The following TNNI3K variants were observed in gnomAD, a reference collection of about 807,000 sequenced individuals.
TNNI3K encodes the protein TNNI3 interacting kinase.
Under a neutral mutation model 114.5 loss-of-function variants are expected in TNNI3K, and 140 were observed. That is an observed-to-expected ratio of 1.22 (90% CI 1.07 to 1.41). The LOEUF (loss-of-function observed/expected upper bound fraction) is 1.41. Ranked by LOEUF, TNNI3K falls within the 40% of genes most tolerant of loss-of-function variation. TNNI3K has a pLI of 0.00. For synonymous variants in TNNI3K, 347 were observed against 347.5 expected (o/e 1.00, Z 0.02); for missense variants, 1,125 against 1,007.6 (o/e 1.12, Z -1.58).
At chr1:74,357,597 T>C (rs991815629) in intron 11 of TNNI3K, among the ~76,000 whole-genome samples, 1 of 152,172 alleles carries the variant, frequency 6.6e-6, no homozygotes, top group South Asian at 2.1e-4. Context: ...GAATCAGATA[T>C]AAAGAATGCT....
intron 3 of TNNI3K, 97 bp downstream of exon 3, chr1:74,249,641 A>C: frequency 1.6e-6 from 2 of 1,224,008 alleles, no homozygotes; most frequent in Non-Finnish European, 2.2e-6. Flanking sequence ...TTCTATTCAT[A>C]CTCAATTTTC....
chr1:74,366,115 C>T (rs1662256031), intron 11 of TNNI3K, among the ~76,000 whole-genome samples: 1 of 151,996 alleles, frequency 6.6e-6, no homozygotes, highest in Admixed American at 6.6e-5. Flanking sequence ...AGCATATACT[C>T]TCTACATAAG....
chr1:74,521,106 G>T (rs1646426223), intron 23 of TNNI3K, among the ~76,000 whole-genome samples: 1 of 152,128 alleles, frequency 6.6e-6, no homozygotes, highest in Non-Finnish European at 1.5e-5. Context: ...AATATTTTTA[G>T]ATAATGTCCT....
rs1553148016 is a variant in TNNI3K, at chr1:74,451,690, T to TTCTTTTC, written c.2012-11751_2012-11750insTCTTTTC. Among the ~76,000 whole-genome samples, 51 of 39,134 alleles carry TTCTTTTC rather than the reference T, an allele frequency of 1.3e-3. 1 individual carries two copies. Among genetic ancestry groups the TTCTTTTC allele is most frequent in the Middle Eastern group, 0.011 (1 of 90 alleles). The allele number at this position is 39,134 out of a possible 152,430, so 25.7% of individuals were successfully genotyped here. A position where few individuals can be genotyped will look rare whatever the true frequency, so the allele number is the denominator to read the frequency against. Reference sequence around the variant, plus strand: ...TTCTTTTCTTTTCTTTTCTTTTCTTTCTTTCTTTCTTTCTTTCTTTCTTTC... The same window carrying TTCTTTTC: ...TTCTTTTCTTTTCTTTTCTTTTCTTTTCTTTTCCTTTCTTTCTTTCTTTCTTTCTTTC... On this transcript the variant is annotated intron_variant, in intron 20 of 24. Transcript: ENST00000326637.
Sources: allele counts gnomAD v4.1 joint callset (sites outside exome capture counted in the v4.1 genomes callset), GRCh38; gene constraint gnomAD v4.1.1; transcripts MANE v1.5; gene names NCBI Gene and HGNC (gene_info 2026-07-23, HGNC 2026-07-21).